Variants in FSIP2 observed in about 807,000 individuals in gnomAD.
FSIP2 encodes the protein fibrous sheath-interacting protein 2.
FSIP2 carries 367 observed loss-of-function variants against 510.5 expected under a neutral mutation model. The observed-to-expected ratio is 0.72, with a 90% CI of 0.66 to 0.78. The LOEUF (loss-of-function observed/expected upper bound fraction) is 0.78. Among genes scored for constraint, FSIP2 ranks in the 30% least tolerant of loss-of-function variants. The pLI is 0.00. For missense variants in FSIP2, 7,594 were observed against 7,901.7 expected (o/e 0.96, Z 1.48); for synonymous variants, 2,601 against 2,732.2 (o/e 0.95, Z 1.50).
intron 13 of FSIP2, among the ~76,000 whole-genome samples, chr2:185,781,722 C>G (rs1252547225): frequency 6.6e-6 from 1 of 152,166 alleles, no homozygotes; most frequent in African/African-American, 2.4e-5. Flanking sequence ...CTTTAATGCT[C>G]TATACTGAAT....
chr2:185,797,745 G>C, intron 16 of FSIP2: 1 of 504,336 alleles, frequency 2.0e-6, no homozygotes, highest in Non-Finnish European at 3.5e-6. Context: ...CTAGAGTACA[G>C]TGGCATGATC....
At chr2:185,797,661 A>G (rs1200496469) in intron 16 of FSIP2, 135 bp downstream of exon 16, 1 of 762,246 alleles carries the variant, frequency 1.3e-6, no homozygotes, top group South Asian at 1.7e-5. Context: ...GTAGATGACT[A>G]CTGAGTTGCA....
chr2:185,786,291 ATG>A lies in FSIP2; in HGVS notation c.1506+5_1506+6del. 1 of 1,518,738 alleles carries A rather than the reference ATG, an allele frequency of 6.6e-7. No homozygotes were observed. The allele number at this position is 1,518,738 out of a possible 1,614,324, so 94.1% of individuals were successfully genotyped here. A position where few individuals can be genotyped will look rare whatever the true frequency, so the allele number is the denominator to read the frequency against. On this transcript the variant is annotated splice_donor_5th_base_variant and intron_variant, in intron 15 of 22. Transcript: ENST00000424728. The stretch of plus-strand genomic sequence containing the variant: ...TGCAAAATTGCTTGCAAGAAAAAGT[ATG>A]TATCATAAAATCCACCGAGAAAGCA...
chr2:185,751,722 T>G lies in FSIP2; in HGVS notation c.871-2000T>G, dbSNP rs550557598. The stretch of plus-strand genomic sequence containing the variant: ...CTTTGTATCTATTTTGTATATTGCT[T>G]CTTTGTTTGAAATTTACCAGTTGCT... On this transcript the variant is annotated intron_variant, in intron 7 of 22. Transcript: ENST00000424728. 9.8e-4 allele frequency among the ~76,000 whole-genome samples: 149 copies of G among 151,366 alleles called. 1 individual carries two copies. Among genetic ancestry groups the G allele is most frequent in the African/African-American group, 3.3e-3 (138 of 41,418 alleles).
In FSIP2 at chr2:185,790,352, A is replaced by G; in HGVS notation, c.3216A>G (p.Pro1072=). ...AFHDWELKTE[P]PSTNHEDILK... ...ATGATTGGGAATTAAAGACTGAGCC[A>G]CCATCTACTAATCATGAAGATATTT... Residue 1072 remains proline, a synonymous_variant, in exon 16 of 23, where the codon CCA becomes CCG. Coordinates refer to ENST00000424728, the MANE Select transcript of FSIP2 (RefSeq NM_173651.4). The G allele has an allele frequency of 6.5e-7, 1 of 1,532,748 alleles. No homozygotes were observed. Among genetic ancestry groups the G allele is most frequent in the Non-Finnish European group, 8.7e-7 (1 of 1,145,190 alleles). The allele number at this position is 1,532,748 out of a possible 1,614,324, so 94.9% of individuals were successfully genotyped here.
intron 1 of FSIP2, 111 bp from the exon 2 acceptor site, chr2:185,739,235 C>A (rs1691870414): frequency 8.8e-6 from 11 of 1,250,930 alleles, no homozygotes; most frequent in African/African-American, 1.5e-5. Flanking sequence ...ATGCCCCGAA[C>A]CCTGATTGTA....
Position 185,796,278 on chromosome 2 carries a change from A to G in FSIP2, c.9142A>G (p.Met3048Val). ...KMLPKLQPLK[M>V]FSDKSESNTI... ...GTTGCCAAAATTACAACCACTGAAA[A>G]TGTTTTCTGATAAATCCGAGTCAAA... The change falls in exon 16 of 23, where the codon ATG (methionine) becomes GTG (valine). Residue 3048 changes from methionine to valine, a missense_variant. Met to Val is a conservative substitution (Grantham distance 21). Transcript: ENST00000424728. 3 of 1,533,136 alleles carry G rather than the reference A, an allele frequency of 2.0e-6. No individual in the cohort carries two copies. Among genetic ancestry groups the G allele is most frequent in the Non-Finnish European group, 2.6e-6 (3 of 1,145,462 alleles). 95.0% of individuals were successfully genotyped at this position (1,533,136 alleles called of 1,614,324 possible).
rs140488276 is a variant in FSIP2, at chr2:185,831,209, T to C, written c.20518-604T>C. On this transcript the variant is annotated intron_variant, in intron 21 of 22. Coordinates refer to ENST00000424728, the MANE Select transcript of FSIP2 (RefSeq NM_173651.4). ...CTGGTACCCTTCAAATCTACCATTT[T>C]AGAATAGCTTCAGAATAGCTGAAGC... 2.6e-3 allele frequency among the ~76,000 whole-genome samples: 401 copies of C among 152,050 alleles called. 2 individuals are homozygous for C. The highest frequency in any genetic ancestry group is 9.0e-3 in the African/African-American group (374 of 41,530).
intron 19 of FSIP2, among the ~76,000 whole-genome samples, chr2:185,819,985 T>C (rs1693885477): frequency 6.6e-6 from 1 of 151,904 alleles, no homozygotes; most frequent in South Asian, 2.1e-4. Flanking sequence ...TCTACAATAA[T>C]AGTAAATGAC....
At position 185,789,677 on chromosome 2, in the gene FSIP2, C is replaced by T; in HGVS notation, c.2541C>T (p.Asp847=). The part of the protein sequence containing the change: ...FKQNEFLHLK[D]TNKLSCQQHK... ...AAAATGAATTTCTTCATCTTAAAGACACAAATAAGCTTTCCTGCCAGCAAC... is the reference window on the plus strand; with the variant it reads ...AAAATGAATTTCTTCATCTTAAAGATACAAATAAGCTTTCCTGCCAGCAAC... The change falls in exon 16 of 23, where the codon GAC becomes GAT. Residue 847 remains aspartate, a synonymous_variant. Transcript: ENST00000424728. 1 of 1,533,766 alleles carries T rather than the reference C, an allele frequency of 6.5e-7. No homozygotes were observed. The highest frequency in any genetic ancestry group is 1.2e-5 in the South Asian group (1 of 83,886).
Position 185,794,579 on chromosome 2 carries a change from T to G in FSIP2, c.7443T>G (p.Gly2481=). 1 of 1,531,894 alleles carries G rather than the reference T, an allele frequency of 6.5e-7. No individual in the cohort carries two copies. The highest frequency in any genetic ancestry group is 8.7e-7 in the Non-Finnish European group (1 of 1,144,896). The allele number at this position is 1,531,894 out of a possible 1,614,324, so 94.9% of individuals were successfully genotyped here. The change falls in exon 16 of 23, where the codon GGT becomes GGG. Residue 2481 remains glycine, a synonymous_variant. Transcript: ENST00000424728. ...RNGESKNKEK[G]ELLIAVEELL... ...GAGAATCAAAAAACAAAGAAAAAGGTGAACTGCTCATTGCAGTGGAAGAAC... is the reference window on the plus strand; with the variant it reads ...GAGAATCAAAAAACAAAGAAAAAGGGGAACTGCTCATTGCAGTGGAAGAAC...
Position 185,806,988 on chromosome 2 carries a change from T to A in FSIP2, c.17682T>A (p.His5894Gln), listed in dbSNP as rs1693597195. The A allele has an allele frequency of 6.2e-7, 1 of 1,606,962 alleles. No homozygotes were observed. The highest frequency in any genetic ancestry group is 1.1e-5 in the South Asian group (1 of 89,650). Residue 5894 changes from histidine to glutamine, a missense_variant, in exon 17 of 23, where the codon CAT becomes CAA. Coordinates refer to ENST00000424728, the MANE Select transcript of FSIP2 (RefSeq NM_173651.4). ...IKSADKMPPMHKMMRKPSSDK... is the reference protein window; with the variant it reads ...IKSADKMPPMQKMMRKPSSDK... ...CTGCAGATAAAATGCCACCTATGCA[T>A]AAAATGATGAGAAAACCTTCTTCAG...
chr2:185,738,734 C>T (rs1376946687), upstream of FSIP2: 3 of 1,536,036 alleles, frequency 2.0e-6, no homozygotes, highest in South Asian at 2.4e-5. Context: ...GAGGCCACCG[C>T]CCTTCTGGGG....
chr2:185,793,877 G>T lies in FSIP2; in HGVS notation c.6741G>T (p.Glu2247Asp), dbSNP rs1034929697. 1.8e-5 allele frequency: 28 copies of T among 1,531,094 alleles called. No homozygotes were observed. In the African/African-American group the frequency reaches 3.7e-4, roughly 20 times the overall value. The allele number at this position is 1,531,094 out of a possible 1,614,324, so 94.8% of individuals were successfully genotyped here. Residue 2247 changes from glutamate (E) to aspartate (D), a missense_variant, in exon 16 of 23, where the codon GAG (glutamate) becomes GAT (aspartate). Transcript: ENST00000424728. ...AGAAATCTGCTACTGACTCATGTGA[G>T]GAAAATGCTAACTTCATTACTAAAA... is the stretch of plus-strand genomic sequence containing the variant. The part of the protein sequence containing the change: ...DTQKSATDSC[E>D]ENANFITKTI...
chr2:185,809,175 G>C, intron 17 of FSIP2, 42 bp downstream of exon 17: 1 of 1,504,150 alleles, frequency 6.6e-7, no homozygotes, highest in Non-Finnish European at 8.8e-7. Context: ...TGAATAGTGA[G>C]ACATGGTTCT....
chr2:185,792,645 G>T lies in FSIP2; in HGVS notation c.5509G>T (p.Ala1837Ser). Residue 1837 changes from alanine to serine, a missense_variant, in exon 16 of 23, where the codon GCA becomes TCA. Coordinates refer to ENST00000424728, the MANE Select transcript of FSIP2 (RefSeq NM_173651.4). ...DKMMDPLLSE[A>S]DITIVTDNIV... The stretch of plus-strand genomic sequence containing the variant: ...AATGATGGATCCTTTACTTTCGGAA[G>T]CAGATATAACCATAGTAACAGATAA... The T allele has an allele frequency of 6.5e-7, 1 of 1,533,962 alleles. No individual in the cohort carries two copies. The highest frequency in any genetic ancestry group is 2.0e-5 in the Admixed American group (1 of 50,860).
Position 185,802,432 on chromosome 2 carries a change from T to G in FSIP2, c.13126T>G (p.Ser4376Ala), listed in dbSNP as rs762455060. The G allele has an allele frequency of 1.4e-5, 21 of 1,533,854 alleles. No individual in the cohort carries two copies. In the South Asian group the frequency reaches 2.4e-4, roughly 17 times the overall value. ...NTDIVDELAT[S>A]VYRNALKQHG... is the part of the protein sequence containing the mutation. The stretch of plus-strand genomic sequence containing the variant: ...AGATATTGTGGATGAACTTGCCACC[T>G]CAGTTTATAGAAATGCTTTAAAGCA... Residue 4376 changes from serine (S) to alanine (A), a missense_variant, in exon 17 of 23, where the codon TCA becomes GCA. Physicochemically the swap from Ser to Ala is moderately conservative, Grantham distance 99 (BLOSUM62 1). Transcript: ENST00000424728.
At position 185,796,144 on chromosome 2, in the gene FSIP2, T is replaced by C. The variant is rs1276596698; in HGVS notation, c.9008T>C (p.Phe3003Ser). ...ACGGTTTTAAACATGTTAGAGTCAT[T>C]TGTGGACTTGCAGTTTAAACATATC... ...VETVLNMLES[F>S]VDLQFKHISK... The change falls in exon 16 of 23, where the codon TTT (phenylalanine) becomes TCT (serine). Residue 3003 changes from phenylalanine to serine, a missense_variant. Physicochemically the swap from Phe to Ser is radical, Grantham distance 155 (BLOSUM62 -2). Coordinates refer to ENST00000424728, the MANE Select transcript of FSIP2 (RefSeq NM_173651.4). 5.9e-6 allele frequency: 9 copies of C among 1,534,288 alleles called. No homozygotes were observed. Among genetic ancestry groups the C allele is most frequent in the Non-Finnish European group, 7.9e-6 (9 of 1,145,786 alleles).
In FSIP2 at chr2:185,797,416, T is replaced by G. The variant is rs1559030623; in HGVS notation, c.10280T>G (p.Val3427Gly). 3.3e-6 allele frequency: 5 copies of G among 1,532,192 alleles called. No homozygotes were observed. The South Asian group carries it at 4.8e-5, about 15-fold the overall frequency. The allele number at this position is 1,532,192 out of a possible 1,614,324, so 94.9% of individuals were successfully genotyped here. ...CCAAAGATAGAGACTGTGAAGGAAG[T>G]TGAAGCCTTTACTTTTGCTGATCAT... ...EYPKIETVKEVEAFTFADHEM... is the reference protein window; with the variant it reads ...EYPKIETVKEGEAFTFADHEM... Residue 3427 changes from valine (V) to glycine (G), a missense_variant, in exon 16 of 23, where the codon GTT becomes GGT. Physicochemically the swap from Val to Gly is moderately radical, Grantham distance 109 (BLOSUM62 -3). Coordinates refer to ENST00000424728, the MANE Select transcript of FSIP2 (RefSeq NM_173651.4).
Sources: gnomAD v4.1 joint callset for allele counts (sites outside exome capture counted in the v4.1 genomes callset) on GRCh38, gnomAD v4.1.1 for gene constraint, MANE v1.5 for transcripts, NCBI Gene and HGNC (gene_info 2026-07-23, HGNC 2026-07-21) for gene names.